Variants in TMEM87B observed in about 807,000 individuals in gnomAD.
TMEM87B encodes the protein transmembrane protein 87B.
In TMEM87B, 83 loss-of-function variants were observed where a neutral mutation model predicts 80.3. That is an observed-to-expected ratio of 1.03 (90% confidence interval 0.87 to 1.24). The LOEUF is 1.24. Among genes scored for constraint, TMEM87B ranks in the 50% most tolerant of loss-of-function variants. The pLI, the probability that TMEM87B is intolerant of heterozygous loss-of-function variation, is 0.00. For synonymous variants in TMEM87B, 219 were observed against 230.5 expected (o/e 0.95, Z 0.45); for missense variants, 625 against 674.4 (o/e 0.93, Z 0.81).
chr2:112,079,416 C>T (rs927815141), intron 6 of TMEM87B, among the ~76,000 whole-genome samples: 2 of 152,176 alleles, frequency 1.3e-5, no homozygotes, highest in South Asian at 2.1e-4. Context: ...TTTCCAGTTC[C>T]ATCCATGTTG....
Position 112,112,929 on chromosome 2 carries a change from G to A in TMEM87B, c.1608G>A (p.Glu536=). ...TTCCAGTGTTAGTGGATTCAGATGAGGTAAAATATATTTTTGCATATTTCC... is the reference window on the plus strand; with the variant it reads ...TTCCAGTGTTAGTGGATTCAGATGAAGTAAAATATATTTTTGCATATTTCC... ...VALPVLVDSD[E]EIMTRSEMAE... The change falls in exon 18 of 19, where the codon GAG becomes GAA. Residue 536 remains glutamate (E), a splice_region_variant and synonymous_variant. Coordinates refer to ENST00000283206, the MANE Select transcript of TMEM87B (RefSeq NM_032824.3). The A allele has an allele frequency of 6.2e-7, 1 of 1,611,416 alleles. No individual in the cohort carries two copies. Among genetic ancestry groups the A allele is most frequent in the Non-Finnish European group, 8.5e-7 (1 of 1,178,510 alleles).
intron 1 of TMEM87B, among the ~76,000 whole-genome samples, chr2:112,056,278 C>T (rs1678056704): frequency 6.6e-6 from 1 of 151,794 alleles, no homozygotes; most frequent in Admixed American, 6.6e-5. Flanking sequence ...GTGCAGTAGT[C>T]ACCCTACCTC....
chr2:112,078,432 G>A (rs933666847), intron 6 of TMEM87B, among the ~76,000 whole-genome samples: 26 of 152,098 alleles, frequency 1.7e-4, no homozygotes, highest in South Asian at 2.1e-4. Flanking sequence ...CTGCTCTCAC[G>A]GGGTGGAGGC....
Position 112,112,448 on chromosome 2 carries a change from A to T in TMEM87B, c.1578-451A>T, listed in dbSNP as rs139313568. Among the ~76,000 whole-genome samples the T allele has an allele frequency of 1.1e-4, 17 of 152,308 alleles. No homozygotes were observed. The East Asian group carries it at 3.1e-3, about 28-fold the overall frequency. ...GTTAGGTCCGCAATAAAATTTTTGGATGAGCACATTTGTGTAATCGTCACC... is the reference window on the plus strand; with the variant it reads ...GTTAGGTCCGCAATAAAATTTTTGGTTGAGCACATTTGTGTAATCGTCACC... On this transcript the variant is annotated intron_variant, in intron 17 of 18. Transcript: ENST00000283206.
chr2:112,093,395 C>G (rs541251175), intron 11 of TMEM87B, among the ~76,000 whole-genome samples: 5 of 152,194 alleles, frequency 3.3e-5, no homozygotes, highest in Non-Finnish European at 7.3e-5. Flanking sequence ...AATCTGCTAA[C>G]AGCTGTGGAG....
chr2:112,060,540 C>CTT (rs1196266055), intron 2 of TMEM87B, among the ~76,000 whole-genome samples: 1 of 143,432 alleles, frequency 7.0e-6, no homozygotes. Flanking sequence ...ATGGATTTTT[C>CTT]TTTTTTTTTT....
At chr2:112,055,810 C>T (rs1376515372) in intron 1 of TMEM87B, 54 bp downstream of exon 1, 7 of 1,443,748 alleles carry the variant, frequency 4.8e-6, no homozygotes, top group Middle Eastern at 1.8e-4. Flanking sequence ...TCAGGGCCGT[C>T]GTGCGGCTTC....
intron 4 of TMEM87B, 110 bp downstream of exon 4, chr2:112,067,177 A>G: frequency 3.6e-6 from 5 of 1,408,190 alleles, no homozygotes; most frequent in South Asian, 2.6e-5. Context: ...CTGACTTGCC[A>G]TGTTAAAATA....
chr2:112,074,618 G>C (rs1276809799), intron 4 of TMEM87B, among the ~76,000 whole-genome samples: 2 of 152,142 alleles, frequency 1.3e-5, no homozygotes, highest in African/African-American at 4.8e-5. Flanking sequence ...CTCTAGCTAG[G>C]TTGGGGAAGT....
At chr2:112,057,954 A>T (rs1039159282) in intron 1 of TMEM87B, among the ~76,000 whole-genome samples, 3 of 151,598 alleles carry the variant, frequency 2.0e-5, no homozygotes, top group Non-Finnish European at 2.9e-5. Context: ...CAGCCTCCTG[A>T]GTAGCTGGGA....
At chr2:112,076,502 G>C (rs1486994526) in intron 5 of TMEM87B, among the ~76,000 whole-genome samples, 1 of 151,798 alleles carries the variant, frequency 6.6e-6, no homozygotes, top group Non-Finnish European at 1.5e-5. Flanking sequence ...ACCACACCCG[G>C]CTAATTTTTG....
chr2:112,071,886 T>A (rs1678650923), intron 4 of TMEM87B, among the ~76,000 whole-genome samples: 1 of 152,190 alleles, frequency 6.6e-6, no homozygotes, highest in Non-Finnish European at 1.5e-5. Flanking sequence ...TGCTTCCAGC[T>A]TTTGCCCATT....
At chr2:112,107,984 A>G (rs1383398222) in intron 17 of TMEM87B, 144 bp downstream of exon 17, 2 of 427,270 alleles carry the variant, frequency 4.7e-6, no homozygotes, top group Non-Finnish European at 8.4e-6. Flanking sequence ...TGGCCCTTAC[A>G]GAACTGCAAA....
intron 17 of TMEM87B, among the ~76,000 whole-genome samples, chr2:112,110,062 G>A (rs975682429): frequency 1.4e-4 from 22 of 152,102 alleles, no homozygotes; most frequent in African/African-American, 5.3e-4. Context: ...CACTGTACCC[G>A]GCTAGCTACT....
At chr2:112,056,951 T>C (rs1277304298) in intron 1 of TMEM87B, among the ~76,000 whole-genome samples, 1 of 152,214 alleles carries the variant, frequency 6.6e-6, no homozygotes, top group East Asian at 1.9e-4. Flanking sequence ...TATAACTATA[T>C]TGGAAGTGAA....
rs191522287 is a variant in TMEM87B, at chr2:112,095,984, T to C, written c.1105-1060T>C. On this transcript the variant is annotated intron_variant, in intron 11 of 18. Transcript: ENST00000283206. ...GAACTTCACCTGAGCCCTGTGCTCC[T>C]GGAAAACAGCCAAGATTAAGACACC... 6.2e-3 allele frequency among the ~76,000 whole-genome samples: 942 copies of C among 152,238 alleles called. 4 individuals carry two copies. Among genetic ancestry groups the C allele is most frequent in the Non-Finnish European group, 0.01 (705 of 67,998 alleles).
intron 15 of TMEM87B, among the ~76,000 whole-genome samples, chr2:112,105,000 G>C: frequency 6.6e-6 from 1 of 152,014 alleles, no homozygotes; most frequent in Non-Finnish European, 1.5e-5. Context: ...GGTGAGGTGG[G>C]GATTGACCAG....
chr2:112,080,148 C>T (rs1035114971), intron 6 of TMEM87B, among the ~76,000 whole-genome samples: 4 of 151,940 alleles, frequency 2.6e-5, no homozygotes, highest in South Asian at 2.1e-4. Context: ...AGGCTGGTCT[C>T]GATCCCCTGA....
chr2:112,064,020 G>A lies in TMEM87B; in HGVS notation c.227-142G>A, dbSNP rs566236971. ...ATGAATTTATCTGTCTCACTTTACA[G>A]TGACTTTTTGGAGAAATTAGCTAAT... On this transcript the variant is annotated intron_variant, in intron 2 of 18. Transcript: ENST00000283206. 5.8e-4 allele frequency: 374 copies of A among 640,668 alleles called. 3 individuals carry two copies. The South Asian group carries it at 6.2e-3, about 11-fold the overall frequency. The allele number at this position is 640,668 out of a possible 1,614,324, so 39.7% of individuals were successfully genotyped here.
Sources: gnomAD v4.1 joint callset for allele counts (sites outside exome capture counted in the v4.1 genomes callset) on GRCh38, gnomAD v4.1.1 for gene constraint, MANE v1.5 for transcripts, NCBI Gene and HGNC (gene_info 2026-07-23, HGNC 2026-07-21) for gene names.